Variants in DLG2 observed in about 807,000 individuals in gnomAD.
The protein encoded by DLG2 is discs large MAGUK scaffold protein 2.
In DLG2, 45 loss-of-function variants were observed where a neutral mutation model predicts 132.5. The ratio of observed to expected loss-of-function variants is 0.34; its 90% confidence interval spans 0.27 to 0.44. The LOEUF (loss-of-function observed/expected upper bound fraction) is 0.44, where lower values mean the gene tolerates loss of function less well. DLG2 is among the 20% of genes least tolerant of loss of function. The pLI is 1.00. For missense variants in DLG2, 1,045 were observed against 1,196.9 expected (o/e 0.87, Z 1.87); for synonymous variants, 424 against 419.6 (o/e 1.01, Z -0.13).
At chr11:84,059,267 T>A (rs778811130) in intron 11 of DLG2, 48 bp downstream of exon 11, 7 of 1,581,848 alleles carry the variant, frequency 4.4e-6, no homozygotes, top group Non-Finnish European at 6.1e-6. Context: ...TAAACTTCAG[T>A]CAGATGGTTT....
chr11:85,425,830 A>G (rs1309119959), intron 3 of DLG2, among the ~76,000 whole-genome samples: 2 of 152,198 alleles, frequency 1.3e-5, no homozygotes, highest in African/African-American at 4.8e-5. Context: ...GAGCCGAAGC[A>G]GGGCAAGGCA....
chr11:84,986,813 T>C (rs1270660437), intron 6 of DLG2, among the ~76,000 whole-genome samples: 1 of 152,138 alleles, frequency 6.6e-6, no homozygotes, highest in African/African-American at 2.4e-5. Flanking sequence ...TAATACTGAA[T>C]GGAGAAAAGT....
intron 3 of DLG2, among the ~76,000 whole-genome samples, chr11:85,546,062 A>G (rs1598417024): frequency 6.6e-6 from 1 of 152,106 alleles, no homozygotes; most frequent in African/African-American, 2.4e-5. Context: ...CTGCTTCTCT[A>G]GTTCTTTTAA....
intron 6 of DLG2, among the ~76,000 whole-genome samples, chr11:85,060,335 T>C (rs541921511): frequency 1.3e-5 from 2 of 150,478 alleles, no homozygotes; most frequent in South Asian, 4.2e-4. Flanking sequence ...GCATATTATA[T>C]ACATATATGT....
At chr11:83,622,900 T>A (rs763006924) in intron 19 of DLG2, among the ~76,000 whole-genome samples, 1 of 152,192 alleles carries the variant, frequency 6.6e-6, no homozygotes, top group Non-Finnish European at 1.5e-5. Flanking sequence ...GGGTGGAGTA[T>A]TCTGTAGATG....
intron 21 of DLG2, among the ~76,000 whole-genome samples, chr11:83,530,664 G>A (rs1345546167): frequency 6.6e-6 from 1 of 151,946 alleles, no homozygotes; most frequent in African/African-American, 2.4e-5. Flanking sequence ...AAGACCGAAT[G>A]CATTTCTGTT....
chr11:84,594,381 G>C (rs1207136338), intron 6 of DLG2, among the ~76,000 whole-genome samples: 3 of 152,110 alleles, frequency 2.0e-5, no homozygotes, highest in Non-Finnish European at 4.4e-5. Flanking sequence ...TCTTCTATGT[G>C]TCTCGTCTAG....
At chr11:85,499,271 C>T (rs2093739106) in intron 3 of DLG2, among the ~76,000 whole-genome samples, 1 of 152,106 alleles carries the variant, frequency 6.6e-6, no homozygotes, top group Admixed American at 6.6e-5. Flanking sequence ...GATATCACCA[C>T]TGATCCCACA....
chr11:84,985,565 G>GA (rs1264624321), intron 6 of DLG2, among the ~76,000 whole-genome samples: 1 of 151,484 alleles, frequency 6.6e-6, no homozygotes, highest in Non-Finnish European at 1.5e-5. Flanking sequence ...CACACCTCAA[G>GA]AAAAAAAGAC....
chr11:84,472,351 A>C (rs1322933434), intron 7 of DLG2, among the ~76,000 whole-genome samples: 1 of 151,924 alleles, frequency 6.6e-6, no homozygotes, highest in African/African-American at 2.4e-5. Flanking sequence ...AGGATATAAA[A>C]CTGGTTTTAA....
rs1565749942 is a variant in DLG2, at chr11:84,714,603, CTTTCTCTTTCTCTTTCTCTT to C, written c.358-179892_358-179873del. Among the ~76,000 whole-genome samples the C allele has an allele frequency of 4.3e-4, 54 of 125,490 alleles. 1 individual carries two copies. Among genetic ancestry groups the C allele is most frequent in the African/African-American group, 1.1e-3 (28 of 25,394 alleles). 82.3% of individuals were successfully genotyped at this position (125,490 alleles called of 152,430 possible). ...TCTCTTTCTCTTTCTCTTTCTTTCTCTTTCTCTTTCTCTTTCTCTTTCTCTCTCTCTCTCTCTCTCTCTTT... is the reference window on the plus strand; with the variant it reads ...TCTCTTTCTCTTTCTCTTTCTTTCTCTCTCTCTCTCTCTCTCTCTCTCTTT... On this transcript the variant is annotated intron_variant, in intron 6 of 27. Coordinates refer to ENST00000376104, the MANE Select transcript of DLG2 (RefSeq NM_001142699.3).
At chr11:85,344,360 C>T (rs2082691746) in intron 3 of DLG2, among the ~76,000 whole-genome samples, 3 of 152,146 alleles carry the variant, frequency 2.0e-5, no homozygotes, top group African/African-American at 7.2e-5. Context: ...CTCAAAAACT[C>T]GAGGCTTAGT....
At chr11:84,611,004 C>T (rs1367232372) in intron 6 of DLG2, among the ~76,000 whole-genome samples, 2 of 142,836 alleles carry the variant, frequency 1.4e-5, no homozygotes, top group Admixed American at 7.3e-5. Flanking sequence ...GATATGTGTA[C>T]CACTGTCTGT....
intron 6 of DLG2, among the ~76,000 whole-genome samples, chr11:84,778,547 T>C (rs1040480731): frequency 2.0e-5 from 3 of 152,190 alleles, no homozygotes; most frequent in African/African-American, 7.2e-5. Context: ...AGCAGTATAG[T>C]CATGTTAACA....
chr11:85,063,040 CTTAA>C (rs540928288), intron 6 of DLG2, among the ~76,000 whole-genome samples: 1 of 151,934 alleles, frequency 6.6e-6, no homozygotes, highest in South Asian at 2.1e-4. Flanking sequence ...ACGGTGATAA[CTTAA>C]CAAAATCTTA....
At chr11:83,505,864 G>C (rs2094671601) in intron 21 of DLG2, among the ~76,000 whole-genome samples, 1 of 152,152 alleles carries the variant, frequency 6.6e-6, no homozygotes, top group East Asian at 1.9e-4. Flanking sequence ...AGAATCATCT[G>C]TGAACCAGGA....
At chr11:83,564,101 TG>T (rs948981539) in intron 19 of DLG2, among the ~76,000 whole-genome samples, 50 of 123,208 alleles carry the variant, frequency 4.1e-4, no homozygotes, top group African/African-American at 1.5e-3. Flanking sequence ...ATTTTTCATG[TG>T]TTTTTTTTTT....
intron 19 of DLG2, among the ~76,000 whole-genome samples, chr11:83,602,327 A>C (rs968397599): frequency 2.0e-5 from 3 of 152,268 alleles, no homozygotes; most frequent in African/African-American, 7.2e-5. Context: ...GCGTTCATAC[A>C]GATTAGTCAT....
At chr11:84,702,364 A>G (rs533886602) in intron 6 of DLG2, among the ~76,000 whole-genome samples, 7 of 151,768 alleles carry the variant, frequency 4.6e-5, no homozygotes, top group Non-Finnish European at 1.0e-4. Context: ...AGGTTCATCA[A>G]CCATGTGAAT....
Sources: gnomAD v4.1 joint callset for allele counts (sites outside exome capture counted in the v4.1 genomes callset) on GRCh38, gnomAD v4.1.1 for gene constraint, MANE v1.5 for transcripts, NCBI Gene and HGNC (gene_info 2026-07-23, HGNC 2026-07-21) for gene names.